The following L3MBTL4 variants were observed in gnomAD, a reference collection of about 807,000 sequenced individuals.
L3MBTL4 encodes L3MBTL histone methyl-lysine binding protein 4, also known as lethal(3)malignant brain tumor-like protein 4.
In L3MBTL4, 70 loss-of-function variants were observed where a neutral mutation model predicts 84.5. That is an observed-to-expected ratio of 0.83 (90% CI 0.68 to 1.01). L3MBTL4 has a LOEUF of 1.01. Among genes scored for constraint, L3MBTL4 ranks in the 50% least tolerant of loss-of-function variants. The probability of loss-of-function intolerance (pLI) is 0.00; values close to 1 mark genes in which losing one functional copy is unlikely to be tolerated. For synonymous variants in L3MBTL4, 274 were observed against 259.8 expected (o/e 1.05, Z -0.52); for missense variants, 715 against 754.8 (o/e 0.95, Z 0.62).
intron 12 of L3MBTL4, among the ~76,000 whole-genome samples, chr18:6,201,504 T>C (rs1298539826): frequency 6.6e-6 from 1 of 152,170 alleles, no homozygotes; most frequent in Non-Finnish European, 1.5e-5. Context: ...TGGACATTTG[T>C]AGAGAAAAAT....
At chr18:6,031,811 GTTT>G (rs11333960) in intron 16 of L3MBTL4, 46,357 of 908,872 alleles carry the variant, frequency 0.051, 469 homozygotes, top group Non-Finnish European at 0.055. Context: ...CAGATTCATG[GTTT>G]TTTTTTTTTT....
At chr18:6,032,385 T>TACAC (rs111595039) in intron 16 of L3MBTL4, 42,487 of 345,492 alleles carry the variant, frequency 0.12, 2,987 homozygotes, top group East Asian at 0.38. Context: ...TGAAATATGT[T>TACAC]ACACACACAC....
intron 1 of L3MBTL4, among the ~76,000 whole-genome samples, chr18:6,319,244 G>T (rs568607779): frequency 6.6e-6 from 1 of 151,830 alleles, no homozygotes; most frequent in Non-Finnish European, 1.5e-5. Flanking sequence ...TAAATCCAAA[G>T]CTAGCAGAAG....
intron 14 of L3MBTL4, among the ~76,000 whole-genome samples, chr18:6,116,589 C>T (rs1835434564): frequency 1.3e-5 from 2 of 152,014 alleles, no homozygotes; most frequent in African/African-American, 4.8e-5. Flanking sequence ...GTCTCAAACT[C>T]CTGACCTTAG....
At chr18:6,167,729 T>C (rs2043747786) in intron 13 of L3MBTL4, among the ~76,000 whole-genome samples, 1 of 152,152 alleles carries the variant, frequency 6.6e-6, no homozygotes. Context: ...TCATACTGAA[T>C]GGACAAAAAC....
intron 16 of L3MBTL4, among the ~76,000 whole-genome samples, chr18:6,061,634 T>C (rs555692453): frequency 1.1e-4 from 16 of 152,184 alleles, no homozygotes; most frequent in East Asian, 1.9e-4. Flanking sequence ...TTTAGATCCA[T>C]GATCCATCCT....
chr18:6,067,354 G>A (rs1414991447), intron 16 of L3MBTL4, among the ~76,000 whole-genome samples: 2 of 152,122 alleles, frequency 1.3e-5, no homozygotes, highest in Non-Finnish European at 2.9e-5. Flanking sequence ...CTCTACCAAG[G>A]CCAAGGAAGT....
chr18:6,105,248 T>C (rs2058966147), intron 14 of L3MBTL4, among the ~76,000 whole-genome samples: 2 of 144,406 alleles, frequency 1.4e-5, no homozygotes, highest in East Asian at 2.1e-4. Context: ...TAGAGTGCAG[T>C]GGCATGATCT....
chr18:6,194,112 TA>T lies in L3MBTL4; in HGVS notation c.981+19036del, dbSNP rs538123288. Among the ~76,000 whole-genome samples the T allele has an allele frequency of 9.0e-4, 137 of 151,752 alleles. 2 individuals are homozygous for T. In the South Asian group the frequency reaches 0.028, roughly 31 times the overall value. On this transcript the variant is annotated intron_variant, in intron 12 of 18. Transcript: ENST00000317931. ...ATCCTTCCTCATTGGAAAAACAAAA[TA>T]AAAAAAACTGCAATTTTAACTTTGG...
chr18:6,076,058 A>T (rs1196264242), intron 16 of L3MBTL4, among the ~76,000 whole-genome samples: 1 of 152,214 alleles, frequency 6.6e-6, no homozygotes, highest in Admixed American at 6.5e-5. Context: ...ATCCTGGTAC[A>T]ACCACTTTGT....
intron 4 of L3MBTL4, among the ~76,000 whole-genome samples, chr18:6,273,790 T>G (rs1182378984): frequency 2.0e-5 from 3 of 152,332 alleles, no homozygotes; most frequent in South Asian, 2.1e-4. Context: ...ACAGGATTTT[T>G]TATAAGATTC....
chr18:6,284,024 C>T (rs1489637718), intron 4 of L3MBTL4, among the ~76,000 whole-genome samples: 3 of 152,206 alleles, frequency 2.0e-5, no homozygotes, highest in African/African-American at 7.2e-5. Flanking sequence ...CAGCCACGCA[C>T]TGGCCTAAAC....
At chr18:6,106,201 C>G (rs1224903817) in intron 14 of L3MBTL4, among the ~76,000 whole-genome samples, 2 of 152,212 alleles carry the variant, frequency 1.3e-5, no homozygotes, top group Admixed American at 6.5e-5. Flanking sequence ...CTTTTAACTA[C>G]TCTGCCAAAC....
At chr18:5,981,974 C>CTGTGTGTGTGTGTG (rs374606293) in intron 16 of L3MBTL4, among the ~76,000 whole-genome samples, 4,563 of 137,298 alleles carry the variant, frequency 0.033, 241 homozygotes, top group African/African-American at 0.11. Context: ...TTTCAATATT[C>CTGTGTGTGTGTGTG]TGTGTGTGTG....
chr18:6,204,360 G>T (rs2045779061), intron 12 of L3MBTL4, among the ~76,000 whole-genome samples: 1 of 152,198 alleles, frequency 6.6e-6, no homozygotes, highest in South Asian at 2.1e-4. Flanking sequence ...TGTGGCTACT[G>T]CTTGGGCTGG....
chr18:6,391,752 A>AACAACTACTACTACTACTACT (rs1555755552), intron 1 of L3MBTL4, among the ~76,000 whole-genome samples: 1,569 of 150,090 alleles, frequency 0.01, 37 homozygotes, highest in African/African-American at 0.033. Context: ...CAACAACAAC[A>AACAACTACTACTACTACTACT]ACTACTACTA....
chr18:6,392,583 A>G (rs997454021), intron 1 of L3MBTL4, among the ~76,000 whole-genome samples: 1 of 152,172 alleles, frequency 6.6e-6, no homozygotes, highest in Non-Finnish European at 1.5e-5. Context: ...GGAAAACTGA[A>G]TAGCCACATG....
chr18:6,324,660 A>G (rs2051619032), intron 1 of L3MBTL4, among the ~76,000 whole-genome samples: 1 of 152,188 alleles, frequency 6.6e-6, no homozygotes, highest in South Asian at 2.1e-4. Context: ...CTGCTCCTTT[A>G]GAGTGGGCCC....
intron 4 of L3MBTL4, among the ~76,000 whole-genome samples, chr18:6,300,722 G>C (rs1038856085): frequency 1.3e-5 from 2 of 152,142 alleles, no homozygotes; most frequent in African/African-American, 4.8e-5. Context: ...TTACATTAGT[G>C]TGAAAATATA....
Sources: allele counts gnomAD v4.1 joint callset (sites outside exome capture counted in the v4.1 genomes callset), GRCh38; gene constraint gnomAD v4.1.1; transcripts MANE v1.5; gene names NCBI Gene and HGNC (gene_info 2026-07-23, HGNC 2026-07-21).